The following PITPNM3 variants were observed in gnomAD, a reference collection of about 807,000 sequenced individuals.
PITPNM3 encodes the protein PITPNM family member 3.
PITPNM3 carries 26 observed loss-of-function variants against 102.0 expected under a neutral mutation model. The ratio of observed to expected loss-of-function variants is 0.25; its 90% CI spans 0.19 to 0.35. The LOEUF (loss-of-function observed/expected upper bound fraction) is 0.35. Ranked by LOEUF, PITPNM3 falls within the 10% of genes least tolerant of loss-of-function variation. The pLI is 1.00. For synonymous variants in PITPNM3, 578 were observed against 558.6 expected (o/e 1.03, Z -0.49); for missense variants, 1,083 against 1,346.1 (o/e 0.80, Z 3.06).
intron 3 of PITPNM3, among the ~76,000 whole-genome samples, chr17:6,507,100 G>A (rs550949875): frequency 6.6e-6 from 1 of 152,246 alleles, no homozygotes; most frequent in East Asian, 1.9e-4. Flanking sequence ...CTTGGAGGGA[G>A]GCCAGCGGCT....
chr17:6,552,762 C>CTTTTT (rs34225911), intron 1 of PITPNM3, among the ~76,000 whole-genome samples: 194 of 88,740 alleles, frequency 2.2e-3, no homozygotes, highest in Middle Eastern at 0.011. Context: ...CTTTCTTTTT[C>CTTTTT]TTTTTTTTTT....
chr17:6,527,082 T>C (rs1908872341), intron 2 of PITPNM3, among the ~76,000 whole-genome samples: 3 of 151,228 alleles, frequency 2.0e-5, no homozygotes, highest in South Asian at 4.2e-4. Flanking sequence ...TCCACCACTG[T>C]GTCTGCTTTC....
intron 8 of PITPNM3, among the ~76,000 whole-genome samples, chr17:6,477,609 G>A (rs922601049): frequency 2.0e-5 from 3 of 152,032 alleles, no homozygotes; most frequent in South Asian, 2.1e-4. Context: ...GCAGTGGTGC[G>A]ATCTTGGCTC....
At chr17:6,477,825 C>A (rs1164280138) in intron 8 of PITPNM3, 150 bp downstream of exon 8, 4 of 1,376,584 alleles carry the variant, frequency 2.9e-6, no homozygotes, top group Non-Finnish European at 3.0e-6. Context: ...GGATTACAGG[C>A]ATGAGCCACT....
At chr17:6,512,086 C>G (rs368089028) in intron 3 of PITPNM3, among the ~76,000 whole-genome samples, 3 of 152,164 alleles carry the variant, frequency 2.0e-5, no homozygotes, top group East Asian at 3.9e-4. Context: ...TCTTGGTCCT[C>G]CCCCAACCCC....
At chr17:6,461,223 G>T in intron 18 of PITPNM3, 150 bp downstream of exon 18, 2 of 947,552 alleles carry the variant, frequency 2.1e-6, no homozygotes, top group South Asian at 1.4e-5. Context: ...TACCTCACAG[G>T]GCTGCTAGAG....
At chr17:6,492,629 G>A (rs1331774351) in intron 4 of PITPNM3, among the ~76,000 whole-genome samples, 6 of 152,066 alleles carry the variant, frequency 3.9e-5, no homozygotes, top group African/African-American at 1.4e-4. Flanking sequence ...GGCCAAGGTG[G>A]GTGGATCAGT....
intron 4 of PITPNM3, among the ~76,000 whole-genome samples, chr17:6,485,960 A>G (rs911757715): frequency 6.6e-6 from 1 of 152,236 alleles, no homozygotes; most frequent in African/African-American, 2.4e-5. Flanking sequence ...GACACCTTAC[A>G]GCTCACAAAG....
chr17:6,529,933 A>AT (rs1488347358), intron 2 of PITPNM3, among the ~76,000 whole-genome samples: 4 of 151,988 alleles, frequency 2.6e-5, no homozygotes, highest in Non-Finnish European at 5.9e-5. Flanking sequence ...CCCTCCCCCA[A>AT]TGGGGGAAAA....
At position 6,478,445 on chromosome 17, in the gene PITPNM3, C is replaced by A. The variant is rs901618291; in HGVS notation, c.777+102G>T. 1.4e-6 allele frequency: 2 copies of A among 1,438,958 alleles called. No homozygotes were observed. The highest frequency in any genetic ancestry group is 2.4e-5 in the South Asian group (2 of 83,616). 89.1% of individuals were successfully genotyped at this position (1,438,958 alleles called of 1,614,324 possible). A position where few individuals can be genotyped will look rare whatever the true frequency, so the allele number is the denominator to read the frequency against. The stretch of plus-strand genomic sequence containing the variant: ...CCACCTTTGGGCTCAGAGGCTGATT[C>A]GAGAACAGCCTGGCCTTGGCCCTTT... On this transcript the variant is annotated intron_variant, in intron 7 of 19. Coordinates refer to ENST00000262483, the MANE Select transcript of PITPNM3 (RefSeq NM_031220.4). The surrounding 1 kb of genome is among the most constrained non-coding windows in gnomAD (Gnocchi z 4.4).
At chr17:6,496,925 T>C (rs1179946723) in intron 4 of PITPNM3, among the ~76,000 whole-genome samples, 2 of 151,866 alleles carry the variant, frequency 1.3e-5, no homozygotes, top group African/African-American at 2.4e-5. Flanking sequence ...CACATCCTCA[T>C]GAAAGTGAAT....
At chr17:6,526,514 A>G (rs763718621) in intron 2 of PITPNM3, among the ~76,000 whole-genome samples, 3 of 152,222 alleles carry the variant, frequency 2.0e-5, no homozygotes, top group Non-Finnish European at 4.4e-5. Flanking sequence ...AACTTTACCT[A>G]GCAGAAGGAA....
chr17:6,461,304 A>G, intron 18 of PITPNM3, 69 bp downstream of exon 18: 1 of 1,538,986 alleles, frequency 6.5e-7, no homozygotes, highest in Non-Finnish European at 9.0e-7. Flanking sequence ...GAGGAGGGAG[A>G]TGGGGAGCGG....
intron 4 of PITPNM3, among the ~76,000 whole-genome samples, chr17:6,488,117 C>T (rs953633383): frequency 2.0e-5 from 3 of 152,052 alleles, no homozygotes; most frequent in Non-Finnish European, 4.4e-5. Flanking sequence ...TTAGCAGAGG[C>T]CCCTGTAGAC....
At chr17:6,498,956 C>G (rs761461507) in intron 4 of PITPNM3, among the ~76,000 whole-genome samples, 1 of 152,114 alleles carries the variant, frequency 6.6e-6, no homozygotes, top group East Asian at 1.9e-4. Flanking sequence ...ACAGAGGAAG[C>G]CAGGGGACAG....
At position 6,455,202 on chromosome 17, in the gene PITPNM3, TG is replaced by T; in HGVS notation, c.*135del. ...GCTCGGGCAGGATCCCTCCCCGCTC[TG>T]GTCGGACACTGCTGGACAGACACGG... On this transcript the variant is annotated 3_prime_UTR_variant, in exon 20 of 20. Transcript: ENST00000262483. The T allele has an allele frequency of 8.4e-7, 1 of 1,194,984 alleles. No homozygotes were observed. Among genetic ancestry groups the T allele is most frequent in the Non-Finnish European group, 1.1e-6 (1 of 886,060 alleles). The allele number at this position is 1,194,984 out of a possible 1,614,324, so 74.0% of individuals were successfully genotyped here.
At chr17:6,484,358 G>A in intron 4 of PITPNM3, 66 bp from the exon 5 acceptor site, 8 of 1,468,952 alleles carry the variant, frequency 5.4e-6, no homozygotes, top group Admixed American at 1.7e-5. Context: ...CACTCCCTGG[G>A]CCCAGCTGGC....
chr17:6,497,989 A>T (rs1906939377), intron 4 of PITPNM3, among the ~76,000 whole-genome samples: 1 of 152,198 alleles, frequency 6.6e-6, no homozygotes, highest in African/African-American at 2.4e-5. Context: ...CTCCTGGGAG[A>T]ATGTCATGCC....
At chr17:6,533,490 T>C (rs1909250874) in intron 2 of PITPNM3, among the ~76,000 whole-genome samples, 1 of 151,750 alleles carries the variant, frequency 6.6e-6, no homozygotes, top group Non-Finnish European at 1.5e-5. Context: ...AGTCTCGCCC[T>C]GTCACCCAGG....
Sources: gnomAD v4.1 joint callset for allele counts (sites outside exome capture counted in the v4.1 genomes callset) on GRCh38, gnomAD v4.1.1 for gene constraint, Gnocchi (gnomAD v3.1) non-coding constraint, MANE v1.5 for transcripts, NCBI Gene and HGNC (gene_info 2026-07-23, HGNC 2026-07-21) for gene names.